The following PABPC4L variants were observed in gnomAD, a reference collection of about 807,000 sequenced individuals.
The protein encoded by PABPC4L is polyadenylate-binding protein 4-like.
For synonymous variants in PABPC4L, 169 were observed against 164.1 expected, an observed-to-expected ratio of 1.03 and a Z score of -0.23; for missense variants, 452 against 451.4, an observed-to-expected ratio of 1.00 and a Z score of -0.01.
chr4:134,201,027 T>G lies in PABPC4L; in HGVS notation c.-8A>C. 1 of 1,551,752 alleles carries G rather than the reference T, an allele frequency of 6.4e-7. No individual in the cohort carries two copies. On this transcript the variant is annotated 5_prime_UTR_variant, in exon 2 of 2. Transcript: ENST00000421491. ...CTTGGCTGCTACATTCATCTCCTTG[T>G]CCTTGCCACTGTGAGTTTGTCCCCT...
chr4:134,085,019 A>G, the PABPC4L span, among the ~76,000 whole-genome samples: 4 of 152,130 alleles, frequency 2.6e-5, no homozygotes, highest in Admixed American at 6.6e-5. Flanking sequence ...ACACAGGAAC[A>G]GCAGAGGCCA....
the PABPC4L span, among the ~76,000 whole-genome samples, chr4:134,016,862 C>T: frequency 2.0e-5 from 3 of 152,134 alleles, no homozygotes; most frequent in Admixed American, 6.6e-5. Flanking sequence ...CTTTCCTACC[C>T]ATCAAGCTCG....
At chr4:134,178,365 CAAAA>C in the PABPC4L span, among the ~76,000 whole-genome samples, 8,039 of 104,104 alleles carry the variant, frequency 0.077, 729 homozygotes, top group African/African-American at 0.24. Context: ...AAGAAAAAAG[CAAAA>C]AAAAAAAAAA....
In PABPC4L at chr4:134,200,123, G is replaced by A. The variant is rs1729801472; in HGVS notation, c.897C>T (p.Asn299=). 6.4e-7 allele frequency: 1 copy of A among 1,551,590 alleles called. No homozygotes were observed. Among genetic ancestry groups the A allele is most frequent in the Non-Finnish European group, 8.7e-7 (1 of 1,146,964 alleles). The change falls in exon 2 of 2, where the codon AAC becomes AAT. Residue 299 remains asparagine, a synonymous_variant. Coordinates refer to ENST00000421491, the MANE Select transcript of PABPC4L (RefSeq NM_001114734.2). The stretch of plus-strand genomic sequence containing the variant: ...TTTCATCATCGATGGTGTCATCAAG[G>A]TTCTTAATATAGAGTTTTACCCCCT... ...GCQGVKLYIK[N]LDDTIDDEKL... is the part of the protein sequence containing the mutation.
At chr4:134,161,448 A>C in the PABPC4L span, among the ~76,000 whole-genome samples, 1 of 152,114 alleles carries the variant, frequency 6.6e-6, no homozygotes, top group Admixed American at 6.6e-5. Flanking sequence ...AACAAATAGA[A>C]TATAAAGGAG....
rs773297526 is a variant in PABPC4L at position 134,200,796 on chromosome 4, A to G, written c.224T>C (p.Ile75Thr). 1.7e-5 allele frequency: 26 copies of G among 1,551,952 alleles called. No individual in the cohort carries two copies. The highest frequency in any genetic ancestry group is 2.6e-6 in the Non-Finnish European group (3 of 1,147,200). ...GAGACGGATGGATTTGCCTTTTATG[A>G]TGTCAAAGTTCATTGTGTCCAGCGC... ...QKALDTMNFD[I>T]IKGKSIRLMW... Residue 75 changes from isoleucine to threonine, a missense_variant, in exon 2 of 2, where the codon ATC (isoleucine) becomes ACC (threonine). By Grantham distance (89) the Ile-to-Thr change is moderately conservative (BLOSUM62 -1). Coordinates refer to ENST00000421491, the MANE Select transcript of PABPC4L (RefSeq NM_001114734.2).
At chr4:134,194,956 A>T (rs148628453), downstream of PABPC4L, among the ~76,000 whole-genome samples, 1 of 151,918 alleles carries the variant, frequency 6.6e-6, no homozygotes, top group African/African-American at 2.4e-5. Context: ...TCAAATAGGC[A>T]TTTACCAATA....
At chr4:134,154,734 T>G in the PABPC4L span, among the ~76,000 whole-genome samples, 23 of 152,164 alleles carry the variant, frequency 1.5e-4, no homozygotes, top group East Asian at 4.2e-3. Flanking sequence ...TTAAGTGTTT[T>G]TAAACATTCT....
the PABPC4L span, among the ~76,000 whole-genome samples, chr4:134,150,091 T>A: frequency 1.3e-5 from 2 of 151,066 alleles, no homozygotes; most frequent in Non-Finnish European, 3.0e-5. Flanking sequence ...TTATGTCTTT[T>A]TTTTTTTTTG....
chr4:134,137,716 CT>C, the PABPC4L span, among the ~76,000 whole-genome samples: 2 of 151,726 alleles, frequency 1.3e-5, no homozygotes, highest in Non-Finnish European at 2.9e-5. Context: ...TATTTTTTGT[CT>C]CTGAACTGTA....
At chr4:133,981,390 C>A in the PABPC4L span, among the ~76,000 whole-genome samples, 13 of 152,002 alleles carry the variant, frequency 8.6e-5, no homozygotes, top group East Asian at 2.1e-3. Context: ...TGAAAAATGT[C>A]GGATTTCTGT....
chr4:134,075,554 T>C, the PABPC4L span, among the ~76,000 whole-genome samples: 1 of 152,140 alleles, frequency 6.6e-6, no homozygotes, highest in Non-Finnish European at 1.5e-5. Context: ...AAGTAGACTG[T>C]GTTAAGACTT....
the PABPC4L span, among the ~76,000 whole-genome samples, chr4:134,112,606 C>CTATA: frequency 3.0e-4 from 44 of 145,716 alleles, no homozygotes; most frequent in African/African-American, 9.3e-4. Flanking sequence ...ATCTATCTAT[C>CTATA]TATCTATCTA....
chr4:134,002,062 T>C, the PABPC4L span, among the ~76,000 whole-genome samples: 1 of 151,982 alleles, frequency 6.6e-6, no homozygotes, highest in Non-Finnish European at 1.5e-5. Flanking sequence ...AATATTGGTG[T>C]TTCAATAAAT....
At chr4:134,088,319 G>T in the PABPC4L span, among the ~76,000 whole-genome samples, 2 of 152,028 alleles carry the variant, frequency 1.3e-5, no homozygotes, top group Non-Finnish European at 2.9e-5. Context: ...CCAAGGGAAT[G>T]GTTCAAAAGC....
At chr4:133,972,876 A>G in the PABPC4L span, among the ~76,000 whole-genome samples, 13 of 152,246 alleles carry the variant, frequency 8.5e-5, no homozygotes, top group African/African-American at 2.9e-4. Flanking sequence ...TGCTGACAGT[A>G]AGAGATACTA....
chr4:134,009,413 G>A, the PABPC4L span, among the ~76,000 whole-genome samples: 10 of 151,878 alleles, frequency 6.6e-5, no homozygotes, highest in Admixed American at 6.6e-4. Context: ...CACAGTGATA[G>A]CACAACCTCT....
At chr4:134,135,157 C>T in the PABPC4L span, among the ~76,000 whole-genome samples, 2 of 151,924 alleles carry the variant, frequency 1.3e-5, no homozygotes, top group East Asian at 1.9e-4. Context: ...AAATACATTC[C>T]CTTGATGTAG....
chr4:134,161,607 C>T, the PABPC4L span, among the ~76,000 whole-genome samples: 2 of 152,014 alleles, frequency 1.3e-5, no homozygotes, highest in Non-Finnish European at 2.9e-5. Flanking sequence ...TAAAGATCTA[C>T]CAGACAAACA....
Sources: allele counts gnomAD v4.1 joint callset (sites outside exome capture counted in the v4.1 genomes callset), GRCh38; gene constraint gnomAD v4.1.1; transcripts MANE v1.5; gene names NCBI Gene and HGNC (gene_info 2026-07-23, HGNC 2026-07-21).